The following ANKS1B variants were observed in gnomAD, a reference collection of about 807,000 sequenced individuals.
The protein encoded by ANKS1B is ankyrin repeat and sterile alpha motif domain containing 1B.
Under a neutral mutation model 148.3 loss-of-function variants are expected in ANKS1B, and 36 were observed. The observed-to-expected ratio is 0.24, with a 90% CI of 0.19 to 0.32. The LOEUF (loss-of-function observed/expected upper bound fraction) is 0.32, where lower values mean the gene tolerates loss of function less well. Among genes scored for constraint, ANKS1B ranks in the 10% least tolerant of loss-of-function variants. The pLI, the probability that ANKS1B is intolerant of heterozygous loss-of-function variation, is 1.00. For synonymous variants in ANKS1B, 542 were observed against 560.8 expected, an observed-to-expected ratio of 0.97 and a Z score of 0.47; for missense variants, 1,157 against 1,542.6, an observed-to-expected ratio of 0.75 and a Z score of 4.19.
At chr12:99,784,045 A>T (rs1220786967) in intron 4 of ANKS1B, among the ~76,000 whole-genome samples, 1 of 152,136 alleles carries the variant, frequency 6.6e-6, no homozygotes, top group Admixed American at 6.6e-5. Flanking sequence ...AGCCAAAAAA[A>T]ATTTAATGTG....
chr12:99,539,473 TA>T (rs1452192512), intron 9 of ANKS1B, among the ~76,000 whole-genome samples: 6 of 151,750 alleles, frequency 4.0e-5, no homozygotes, highest in Non-Finnish European at 8.8e-5. Context: ...GAATACCAAC[TA>T]AAAAATAACT....
Position 98,822,893 on chromosome 12 carries a change from G to A in ANKS1B, c.3066+6281C>T, listed in dbSNP as rs75581294. ...CACTTCTTCCAATTATTTGTTTTAA[G>A]ACTATAGTACAGTATTCACAAGACA... On this transcript the variant is annotated intron_variant, in intron 19 of 26. Coordinates refer to ENST00000683438, the MANE Select transcript of ANKS1B (RefSeq NM_001352186.2). Among the ~76,000 whole-genome samples the A allele has an allele frequency of 3.5e-4, 53 of 152,316 alleles. No individual in the cohort carries two copies. The East Asian group carries it at 7.3e-3, about 21-fold the overall frequency.
At chr12:99,126,910 TA>T (rs1319310084) in intron 15 of ANKS1B, among the ~76,000 whole-genome samples, 1 of 152,148 alleles carries the variant, frequency 6.6e-6, no homozygotes, top group Non-Finnish European at 1.5e-5. Flanking sequence ...TGTATACTGG[TA>T]ACCGATCAAT....
intron 1 of ANKS1B, 52 bp from the exon 2 acceptor site, chr12:99,825,441 GA>G: frequency 1.4e-6 from 2 of 1,451,510 alleles, no homozygotes; most frequent in African/African-American, 1.4e-5. Flanking sequence ...ATCTTGCCTT[GA>G]AAAACAAAAA....
intron 12 of ANKS1B, among the ~76,000 whole-genome samples, chr12:99,321,774 A>C (rs1485254124): frequency 1.3e-5 from 2 of 152,176 alleles, no homozygotes; most frequent in Non-Finnish European, 2.9e-5. Flanking sequence ...CATCACTCAC[A>C]CTGGGAGCTG....
intron 8 of ANKS1B, among the ~76,000 whole-genome samples, chr12:99,755,666 C>A (rs999894530): frequency 8.1e-5 from 12 of 148,924 alleles, no homozygotes; most frequent in African/African-American, 3.0e-4. Context: ...CATAATCAAG[C>A]AGGCTCTATC....
chr12:99,483,451 T>C (rs954573493), intron 10 of ANKS1B, among the ~76,000 whole-genome samples: 5 of 151,930 alleles, frequency 3.3e-5, no homozygotes, highest in Non-Finnish European at 5.9e-5. Flanking sequence ...AATTAGTCTA[T>C]AGTTTTCTTT....
At chr12:99,468,030 T>C (rs1375497329) in intron 10 of ANKS1B, among the ~76,000 whole-genome samples, 1 of 152,198 alleles carries the variant, frequency 6.6e-6, no homozygotes, top group East Asian at 1.9e-4. Flanking sequence ...GGTACCTGAC[T>C]TCAAACTACA....
chr12:99,373,641 TC>T (rs1270362487), intron 12 of ANKS1B, among the ~76,000 whole-genome samples: 11 of 152,300 alleles, frequency 7.2e-5, no homozygotes, highest in African/African-American at 2.2e-4. Flanking sequence ...TCCCTAGATA[TC>T]CCTAGTTGCT....
At chr12:99,666,766 G>T (rs2098509216) in intron 8 of ANKS1B, among the ~76,000 whole-genome samples, 2 of 151,816 alleles carry the variant, frequency 1.3e-5, no homozygotes, top group South Asian at 4.1e-4. Flanking sequence ...CATATTTAAG[G>T]TGTATGGCAT....
At chr12:99,579,873 C>T (rs956708034) in intron 9 of ANKS1B, among the ~76,000 whole-genome samples, 29 of 152,000 alleles carry the variant, frequency 1.9e-4, no homozygotes, top group African/African-American at 6.3e-4. Flanking sequence ...GAAAATAAAT[C>T]GTTCCACCAA....
intron 25 of ANKS1B, among the ~76,000 whole-genome samples, chr12:98,764,226 C>T (rs1309584504): frequency 6.6e-6 from 1 of 152,162 alleles, no homozygotes; most frequent in Non-Finnish European, 1.5e-5. Flanking sequence ...GAACTCTTCA[C>T]TAACTTTTTG....
chr12:99,332,848 G>A (rs1485973416), intron 12 of ANKS1B, among the ~76,000 whole-genome samples: 6 of 151,916 alleles, frequency 3.9e-5, no homozygotes, highest in Non-Finnish European at 8.8e-5. Flanking sequence ...AGAACTTTAA[G>A]TAATTCCATA....
At chr12:99,920,117 C>T (rs2094306619) in intron 1 of ANKS1B, among the ~76,000 whole-genome samples, 1 of 152,150 alleles carries the variant, frequency 6.6e-6, no homozygotes, top group South Asian at 2.1e-4. Context: ...AGACTTAGCA[C>T]TACAGTAACA....
chr12:99,448,178 A>C (rs2095667112), intron 10 of ANKS1B, among the ~76,000 whole-genome samples: 1 of 152,166 alleles, frequency 6.6e-6, no homozygotes, highest in East Asian at 1.9e-4. Flanking sequence ...TTCAGTAGCC[A>C]AGACATGGAA....
intron 1 of ANKS1B, among the ~76,000 whole-genome samples, chr12:99,876,468 A>C (rs1343835184): frequency 6.6e-6 from 1 of 152,180 alleles, no homozygotes; most frequent in Non-Finnish European, 1.5e-5. Flanking sequence ...CACGCCTGTA[A>C]TCCTAGCACT....
chr12:99,345,564 T>C (rs1218310366), intron 12 of ANKS1B, among the ~76,000 whole-genome samples: 2 of 151,944 alleles, frequency 1.3e-5, no homozygotes, highest in African/African-American at 4.8e-5. Flanking sequence ...TAGAGAGACA[T>C]CATTTTCGTT....
At position 99,246,300 on chromosome 12, in the gene ANKS1B, G is replaced by A; in HGVS notation, c.2321C>T (p.Pro774Leu). The change falls in exon 13 of 27, where the codon CCA becomes CTA. Residue 774 changes from proline to leucine, a missense_variant. Physicochemically the swap from Pro to Leu is moderately conservative, Grantham distance 98. Coordinates refer to ENST00000683438, the MANE Select transcript of ANKS1B (RefSeq NM_001352186.2). ...TTCTTCCCATTCCGATGTGAAGGAT[G>A]GTGTTCTTTCAGAATTCCCTTTAGA... ...HSSKGNSERT[P>L]SFTSEWEEID... 4.4e-6 allele frequency: 7 copies of A among 1,599,182 alleles called. No homozygotes were observed. The highest frequency in any genetic ancestry group is 6.0e-6 in the Non-Finnish European group (7 of 1,172,426).
intron 15 of ANKS1B, among the ~76,000 whole-genome samples, chr12:99,142,101 G>T (rs1370042115): frequency 6.6e-6 from 1 of 152,008 alleles, no homozygotes; most frequent in Non-Finnish European, 1.5e-5. Flanking sequence ...GAAGAGAAGA[G>T]ACTCAAGGGC....
Sources: gnomAD v4.1 joint callset for allele counts (sites outside exome capture counted in the v4.1 genomes callset) on GRCh38, gnomAD v4.1.1 for gene constraint, MANE v1.5 for transcripts, NCBI Gene and HGNC (gene_info 2026-07-23, HGNC 2026-07-21) for gene names.